CYB5R4: variants seen among roughly 807,000 people sequenced by gnomAD.
The protein encoded by CYB5R4 is N-terminal cytochrome b5 and cytochrome b5 oxidoreductase domain-containing protein.
A neutral mutation model predicts 70.2 loss-of-function variants in CYB5R4; 55 were observed. The ratio of observed to expected loss-of-function variants is 0.78; its 90% CI spans 0.63 to 0.98. CYB5R4 has a LOEUF of 0.98. Among genes scored for constraint, CYB5R4 ranks in the 50% least tolerant of loss-of-function variants. The pLI, the probability that CYB5R4 is intolerant of heterozygous loss-of-function variation, is 0.00. For synonymous variants in CYB5R4, 197 were observed against 199.5 expected, an observed-to-expected ratio of 0.99 and a Z score of 0.11; for missense variants, 562 against 612.6, an observed-to-expected ratio of 0.92 and a Z score of 0.87.
Position 83,899,547 on chromosome 6 carries a change from C to T in CYB5R4, c.330+5925C>T, listed in dbSNP as rs1182375003. Among the ~76,000 whole-genome samples, 5 of 152,152 alleles carry T rather than the reference C, an allele frequency of 3.3e-5. No individual in the cohort carries two copies. The East Asian group carries it at 5.8e-4, about 18-fold the overall frequency. On this transcript the variant is annotated intron_variant, in intron 3 of 15. Transcript: ENST00000369681. The stretch of plus-strand genomic sequence containing the variant: ...ATAGTTTCAGAAGGAATAGTACCAG[C>T]TCCTCCTTGTACCTCTGGTAGAATT...
chr6:83,924,142 C>CTTTTTTT (rs35960110), intron 9 of CYB5R4, among the ~76,000 whole-genome samples: 3 of 129,930 alleles, frequency 2.3e-5, no homozygotes, highest in African/African-American at 6.1e-5. Flanking sequence ...ACATCTCAAC[C>CTTTTTTT]TTTTTTTTTT....
intron 10 of CYB5R4, among the ~76,000 whole-genome samples, chr6:83,930,572 A>C (rs2099467993): frequency 1.3e-5 from 2 of 152,076 alleles, no homozygotes. Flanking sequence ...TTCTAATTCT[A>C]GTTCTCTTGC....
rs1299331900 is a variant in CYB5R4, at chr6:83,893,611, CT to C, written c.324del (p.Phe108LeufsTer14). ...MRAAGSDGTE[L>X]FDQVHRWVNY... ...AGCAGCAGGATCAGATGGTACTGAA[CT>C]TTTTGATCAGGTAAGATGTGCTGAA... On this transcript the variant is annotated frameshift_variant, in exon 3 of 16. Transcript: ENST00000369681. LOFTEE classifies it high-confidence loss of function. The C allele has an allele frequency of 1.2e-6, 2 of 1,606,882 alleles. No homozygotes were observed. The highest frequency in any genetic ancestry group is 1.7e-6 in the Non-Finnish European group (2 of 1,174,128).
chr6:83,924,359 G>A, intron 9 of CYB5R4, 111 bp from the exon 10 acceptor site: 1 of 1,060,926 alleles, frequency 9.4e-7, no homozygotes, highest in Non-Finnish European at 1.4e-6. Flanking sequence ...CTAATAATCA[G>A]TACCATTCAT....
At chr6:83,957,397 G>A (rs2099472585) in intron 15 of CYB5R4, among the ~76,000 whole-genome samples, 1 of 151,932 alleles carries the variant, frequency 6.6e-6, no homozygotes, top group Non-Finnish European at 1.5e-5. Context: ...AAGGCAGGTG[G>A]ATCACCTGAG....
At chr6:83,924,684 A>G in intron 10 of CYB5R4, 92 bp downstream of exon 10, 9 of 1,377,560 alleles carry the variant, frequency 6.5e-6, no homozygotes, top group East Asian at 2.3e-5. Context: ...CTGCTTTGAA[A>G]TGAGCTGAAG....
At chr6:83,879,689 CA>C (rs1436081623) in intron 2 of CYB5R4, among the ~76,000 whole-genome samples, 1 of 152,146 alleles carries the variant, frequency 6.6e-6, no homozygotes, top group Non-Finnish European at 1.5e-5. Context: ...GCTGTGCTAC[CA>C]GTGGGCCTTT....
intron 2 of CYB5R4, among the ~76,000 whole-genome samples, chr6:83,883,640 T>C (rs1324415490): frequency 6.6e-6 from 1 of 152,128 alleles, no homozygotes; most frequent in East Asian, 1.9e-4. Flanking sequence ...AGATCTGCAA[T>C]ATAAGATAGA....
intron 14 of CYB5R4, among the ~76,000 whole-genome samples, chr6:83,949,114 CTTTT>C (rs35294668): frequency 7.9e-6 from 1 of 125,848 alleles, no homozygotes; most frequent in Non-Finnish European, 1.7e-5. Context: ...GCGTTTTGGG[CTTTT>C]TTTTTTTTTT....
chr6:83,907,265 T>G (rs1562835724), intron 3 of CYB5R4, among the ~76,000 whole-genome samples: 1 of 152,146 alleles, frequency 6.6e-6, no homozygotes. Context: ...ATTTTAAGAC[T>G]TTTAAGGCAT....
chr6:83,912,823 G>A lies in CYB5R4; in HGVS notation c.413-1593G>A, dbSNP rs940722482. Among the ~76,000 whole-genome samples, 8 of 152,144 alleles carry A rather than the reference G, an allele frequency of 5.3e-5. No individual in the cohort carries two copies. The East Asian group carries it at 1.5e-3, about 29-fold the overall frequency. ...AAACAGAGTAGGAGAATTTTTAAAGGTAACCCAGATTCTTTAAGTGGAAGT... is the reference window on the plus strand; with the variant it reads ...AAACAGAGTAGGAGAATTTTTAAAGATAACCCAGATTCTTTAAGTGGAAGT... On this transcript the variant is annotated intron_variant, in intron 4 of 15. Coordinates refer to ENST00000369681, the MANE Select transcript of CYB5R4 (RefSeq NM_016230.4).
At chr6:83,878,697 A>G (rs79774698) in intron 2 of CYB5R4, among the ~76,000 whole-genome samples, 1,527 of 152,180 alleles carry the variant, frequency 0.01, 32 homozygotes, top group African/African-American at 0.035. Flanking sequence ...GAAGAATAAT[A>G]GAAACTGTGG....
At chr6:83,860,216 CT>C in intron 1 of CYB5R4, among the ~76,000 whole-genome samples, 1 of 152,194 alleles carries the variant, frequency 6.6e-6, no homozygotes, top group South Asian at 2.1e-4. Context: ...TCTCCCTGGT[CT>C]TTTGTTCTTC....
intron 2 of CYB5R4, among the ~76,000 whole-genome samples, chr6:83,876,976 C>A (rs1037669290): frequency 6.6e-6 from 1 of 152,016 alleles, no homozygotes; most frequent in Non-Finnish European, 1.5e-5. Flanking sequence ...GGAGTACAGG[C>A]GTGTGCTACC....
chr6:83,943,622 A>T (rs1452976781), intron 14 of CYB5R4, among the ~76,000 whole-genome samples: 1 of 152,108 alleles, frequency 6.6e-6, no homozygotes, highest in Non-Finnish European at 1.5e-5. Context: ...TGAATTTGAC[A>T]AATTGACAGA....
intron 3 of CYB5R4, among the ~76,000 whole-genome samples, chr6:83,894,914 A>C (rs574956290): frequency 6.6e-6 from 1 of 152,202 alleles, no homozygotes; most frequent in Non-Finnish European, 1.5e-5. Context: ...GGTAGAAGTA[A>C]ACCCATATGT....
chr6:83,922,999 G>GC lies in CYB5R4; in HGVS notation c.691+535dup, dbSNP rs138692349. ...GGGGTTTCACATGTGGCCCCGACTG[G>GC]CCCCCCTTATTTTTTTTCTCTCTTT... On this transcript the variant is annotated intron_variant, in intron 9 of 15. Transcript: ENST00000369681. Among the ~76,000 whole-genome samples, 1,458 of 150,662 alleles carry GC rather than the reference G, an allele frequency of 9.7e-3. 21 individuals are homozygous for GC. Among genetic ancestry groups the GC allele is most frequent in the African/African-American group, 0.033 (1,340 of 40,972 alleles).
At chr6:83,884,648 G>A (rs901081624) in intron 2 of CYB5R4, among the ~76,000 whole-genome samples, 3 of 152,034 alleles carry the variant, frequency 2.0e-5, no homozygotes, top group Admixed American at 6.6e-5. Context: ...AACACAAGAT[G>A]GCAAAGTAGT....
rs61763827 is a variant in CYB5R4 at position 83,920,696 on chromosome 6, G to T, written c.565-386G>T. ...CATACATTACAGGAAAGATAAAGATGAACAACAAATATCTTGGTTTCTGCT... is the reference window on the plus strand; with the variant it reads ...CATACATTACAGGAAAGATAAAGATTAACAACAAATATCTTGGTTTCTGCT... On this transcript the variant is annotated intron_variant, in intron 7 of 15. Coordinates refer to ENST00000369681, the MANE Select transcript of CYB5R4 (RefSeq NM_016230.4). Among the ~76,000 whole-genome samples the T allele has an allele frequency of 1.1e-3, 147 of 130,704 alleles. 1 individual carries two copies. Among genetic ancestry groups the T allele is most frequent in the Middle Eastern group, 4.5e-3 (1 of 220 alleles). 85.7% of individuals were successfully genotyped at this position (130,704 alleles called of 152,430 possible).
Sources: allele counts gnomAD v4.1 joint callset (sites outside exome capture counted in the v4.1 genomes callset), GRCh38; gene constraint gnomAD v4.1.1; transcripts MANE v1.5; gene names NCBI Gene and HGNC (gene_info 2026-07-23, HGNC 2026-07-21).